Variants in STS observed in about 807,000 individuals in gnomAD.
The protein encoded by STS is steryl-sulfatase.
Under a neutral mutation model 26.8 loss-of-function variants are expected in STS, and 7 were observed. That is an observed-to-expected ratio of 0.26 (90% CI 0.15 to 0.49). STS has a LOEUF of 0.49. STS is among the 20% of genes least tolerant of loss of function. The pLI is 0.98. For missense variants in STS, 434 were observed against 465.6 expected (o/e 0.93, Z 0.63); for synonymous variants, 199 against 189.4 (o/e 1.05, Z -0.42).
chrX:7,241,955 G>A (rs1375764269), intron 2 of STS, among the ~76,000 whole-genome samples: 1 of 111,051 alleles, frequency 9.0e-6, no homozygotes, highest in Non-Finnish European at 1.9e-5. Context: ...GCTGTTGGCT[G>A]GACACTTCTC....
At chrX:7,326,370 C>T (rs1241611311) in intron 9 of STS, among the ~76,000 whole-genome samples, 1 of 111,625 alleles carries the variant, frequency 9.0e-6, no homozygotes, top group African/African-American at 3.3e-5. Context: ...CTTGGTCTTT[C>T]GGCATCGTGC....
chrX:7,219,401 A>G (rs996245249), intron 2 of STS: 2 of 1,032,554 alleles, frequency 1.9e-6, no homozygotes, highest in East Asian at 7.4e-5. Flanking sequence ...GAAACTCCCA[A>G]AAGAATGCAG....
chrX:7,291,619 G>A (rs1268669733), intron 7 of STS, among the ~76,000 whole-genome samples: 1 of 111,607 alleles, frequency 9.0e-6, no homozygotes, highest in African/African-American at 3.3e-5. Flanking sequence ...CACTCACAGT[G>A]AGTGTACCCT....
intron 7 of STS, among the ~76,000 whole-genome samples, chrX:7,287,719 A>G (rs1174662895): frequency 9.2e-6 from 1 of 108,549 alleles, no homozygotes; most frequent in East Asian, 2.8e-4. Context: ...AGGTAGTGCT[A>G]TAAGTGAATA....
intron 1 of STS, among the ~76,000 whole-genome samples, chrX:7,176,242 G>A (rs1601630609): frequency 1.8e-5 from 2 of 111,830 alleles, no homozygotes; most frequent in East Asian, 2.8e-4. Context: ...ACAGGATCAC[G>A]GGGGTAAAGA....
intron 7 of STS, among the ~76,000 whole-genome samples, chrX:7,293,572 C>T (rs1204303245): frequency 2.7e-5 from 3 of 111,587 alleles, no homozygotes; most frequent in Non-Finnish European, 5.6e-5. Flanking sequence ...TCCACATCTT[C>T]GAAAATGGCA....
At chrX:7,344,419 A>G (rs1928430456) in intron 10 of STS, among the ~76,000 whole-genome samples, 1 of 111,368 alleles carries the variant, frequency 9.0e-6, no homozygotes, top group African/African-American at 3.3e-5. Context: ...GGTTCAGGAG[A>G]TAACTGTGTT....
intron 2 of STS, among the ~76,000 whole-genome samples, chrX:7,209,036 C>A (rs1011231068): frequency 1.8e-5 from 2 of 111,829 alleles, no homozygotes; most frequent in Non-Finnish European, 3.8e-5. Flanking sequence ...AAGTTCTTCC[C>A]ATCTCAAGAT....
upstream of STS, among the ~76,000 whole-genome samples, chrX:7,147,668 G>T (rs1338425974): frequency 2.7e-5 from 3 of 112,142 alleles, no homozygotes; most frequent in Non-Finnish European, 5.7e-5. Flanking sequence ...AAGGTCGCAC[G>T]CATGCGTAAC....
At chrX:7,279,652 A>G (rs912076662) in intron 7 of STS, among the ~76,000 whole-genome samples, 2 of 109,512 alleles carry the variant, frequency 1.8e-5, no homozygotes, top group African/African-American at 3.3e-5. Flanking sequence ...TCTGCAACAG[A>G]CAATGAAATT....
chrX:7,201,943 G>A (rs1333523872), intron 2 of STS, among the ~76,000 whole-genome samples: 1 of 110,930 alleles, frequency 9.0e-6, no homozygotes, highest in Non-Finnish European at 1.9e-5. Context: ...AATTTTAGGT[G>A]TCAGCTTGAC....
chrX:7,248,458 G>C (rs1304802723), intron 2 of STS, among the ~76,000 whole-genome samples: 1 of 111,767 alleles, frequency 8.9e-6, no homozygotes, highest in African/African-American at 3.3e-5. Context: ...TAACGTTTCT[G>C]TTTCCCTCAC....
chrX:7,182,576 G>A (rs1328488502), intron 1 of STS, among the ~76,000 whole-genome samples: 1 of 110,936 alleles, frequency 9.0e-6, no homozygotes, highest in African/African-American at 3.3e-5. Flanking sequence ...AAAGTGCTTT[G>A]AACAACAGTA....
chrX:7,252,305 A>G, intron 2 of STS: 2 of 752,481 alleles, frequency 2.7e-6, no homozygotes, highest in Non-Finnish European at 3.1e-6. Flanking sequence ...GTTGCCTACC[A>G]CTGCTGGTGG....
chrX:7,202,815 A>T (rs1934096863), intron 2 of STS, among the ~76,000 whole-genome samples: 2 of 111,214 alleles, frequency 1.8e-5, no homozygotes, highest in Admixed American at 1.9e-4. Flanking sequence ...ACATCCAATC[A>T]GCTGGGGGCC....
At position 7,335,764 on chromosome X, in the gene STS, C is replaced by A. The variant is rs1927988913; in HGVS notation, c.1363+1657C>A. Among the ~76,000 whole-genome samples, 3 of 112,044 alleles carry A rather than the reference C, an allele frequency of 2.7e-5. No homozygotes were observed. The Admixed American group carries it at 2.8e-4, about 11-fold the overall frequency. On this transcript the variant is annotated intron_variant, in intron 10 of 10. Transcript: ENST00000674429. Reference sequence around the variant, plus strand: ...TAGGTCTACCATTTAAGTCTTTAATCCATCTTGAATTGATTTTTGTATAAG... The same window carrying A: ...TAGGTCTACCATTTAAGTCTTTAATACATCTTGAATTGATTTTTGTATAAG...
intron 7 of STS, among the ~76,000 whole-genome samples, chrX:7,293,660 A>G (rs1293928764): frequency 8.9e-6 from 1 of 111,919 alleles, no homozygotes; most frequent in African/African-American, 3.3e-5. Flanking sequence ...CTCAAAGTAA[A>G]CCAGGGTATC....
At chrX:7,320,125 A>T (rs1168194140) in intron 8 of STS, among the ~76,000 whole-genome samples, 1 of 96,106 alleles carries the variant, frequency 1.0e-5, no homozygotes, top group Non-Finnish European at 2.0e-5. Context: ...GTATTATTTT[A>T]TATATATTTT....
intron 8 of STS, among the ~76,000 whole-genome samples, chrX:7,318,734 G>T (rs1315635703): frequency 1.8e-5 from 2 of 111,151 alleles, no homozygotes; most frequent in Admixed American, 9.6e-5. Flanking sequence ...ACCATGCCTG[G>T]TGCTACCATT....
Sources: gnomAD v4.1 joint callset for allele counts (sites outside exome capture counted in the v4.1 genomes callset) on GRCh38, gnomAD v4.1.1 for gene constraint, MANE v1.5 for transcripts, NCBI Gene and HGNC (gene_info 2026-07-23, HGNC 2026-07-21) for gene names.